The following PLXDC2 variants were observed in gnomAD, a reference collection of about 807,000 sequenced individuals.
PLXDC2 encodes plexin domain-containing protein 2.
In PLXDC2, 40 loss-of-function variants were observed where a neutral mutation model predicts 68.9. The ratio of observed to expected loss-of-function variants is 0.58; its 90% CI spans 0.45 to 0.76. The LOEUF (loss-of-function observed/expected upper bound fraction) is 0.76, where lower values mean the gene tolerates loss of function less well. Ranked by LOEUF, PLXDC2 falls within the 30% of genes least tolerant of loss-of-function variation. The probability of loss-of-function intolerance (pLI) is 0.00; values close to 1 mark genes in which losing one functional copy is unlikely to be tolerated. For missense variants in PLXDC2, 644 were observed against 661.9 expected (o/e 0.97, Z 0.30); for synonymous variants, 243 against 234.2 (o/e 1.04, Z -0.34).
At chr10:19,904,247 T>C (rs965605430) in intron 1 of PLXDC2, among the ~76,000 whole-genome samples, 3 of 152,208 alleles carry the variant, frequency 2.0e-5, no homozygotes, top group Non-Finnish European at 2.9e-5. Flanking sequence ...GTTGACTTTC[T>C]GTCTTGATGA....
chr10:19,927,136 TA>T (rs1833549275), intron 1 of PLXDC2, among the ~76,000 whole-genome samples: 1 of 152,158 alleles, frequency 6.6e-6, no homozygotes, highest in South Asian at 2.1e-4. Context: ...TTGGAGTGGC[TA>T]AAACATTCAA....
intron 2 of PLXDC2, 120 bp downstream of exon 2, chr10:20,002,106 A>T: frequency 1.0e-6 from 1 of 990,754 alleles, no homozygotes; most frequent in Non-Finnish European, 1.5e-6. Context: ...GATTTCTTTT[A>T]AAGAACAATT....
At chr10:19,850,719 T>C (rs563647125) in intron 1 of PLXDC2, among the ~76,000 whole-genome samples, 2 of 152,168 alleles carry the variant, frequency 1.3e-5, no homozygotes. Context: ...CACTGCACTT[T>C]AGGAAAGACA....
intron 1 of PLXDC2, among the ~76,000 whole-genome samples, chr10:19,945,924 C>T (rs1833894414): frequency 6.6e-6 from 1 of 152,200 alleles, no homozygotes; most frequent in Non-Finnish European, 1.5e-5. Flanking sequence ...TATTTTCACA[C>T]CCGCTTCCAA....
intron 6 of PLXDC2, among the ~76,000 whole-genome samples, chr10:20,149,535 G>A (rs550285727): frequency 2.6e-5 from 4 of 151,994 alleles, no homozygotes; most frequent in South Asian, 2.1e-4. Flanking sequence ...CACTGCGCCC[G>A]GCCGATAGTT....
intron 1 of PLXDC2, among the ~76,000 whole-genome samples, chr10:19,936,664 C>T (rs908951195): frequency 3.9e-5 from 6 of 152,134 alleles, no homozygotes; most frequent in Admixed American, 2.0e-4. Flanking sequence ...CTATTCATGC[C>T]GTGATGTATT....
chr10:20,194,576 C>A (rs12259975), intron 9 of PLXDC2, among the ~76,000 whole-genome samples: 29 of 151,838 alleles, frequency 1.9e-4, no homozygotes, highest in African/African-American at 7.0e-4. Context: ...AATATGATAT[C>A]TTTTGAAAGA....
At chr10:20,047,108 A>G (rs1835811278) in intron 3 of PLXDC2, 93 bp downstream of exon 3, 1 of 1,288,540 alleles carries the variant, frequency 7.8e-7, no homozygotes, top group African/African-American at 1.5e-5. Context: ...GAGTTTGATA[A>G]TTAAATATTA....
At chr10:19,891,374 C>T (rs1275010198) in intron 1 of PLXDC2, among the ~76,000 whole-genome samples, 1 of 150,906 alleles carries the variant, frequency 6.6e-6, no homozygotes, top group African/African-American at 2.4e-5. Context: ...CCTTCTTTCG[C>T]CTGCACTTTC....
At chr10:20,236,699 T>A (rs1304910185) in intron 12 of PLXDC2, among the ~76,000 whole-genome samples, 1 of 152,084 alleles carries the variant, frequency 6.6e-6, no homozygotes, top group East Asian at 1.9e-4. Context: ...ATAAACCTTC[T>A]CTTTTTTCAA....
At chr10:19,975,060 C>T (rs1419407660) in intron 1 of PLXDC2, among the ~76,000 whole-genome samples, 2 of 152,192 alleles carry the variant, frequency 1.3e-5, no homozygotes, top group Non-Finnish European at 2.9e-5. Flanking sequence ...ACTGTTTTCA[C>T]TTCTTTTTAG....
intron 1 of PLXDC2, among the ~76,000 whole-genome samples, chr10:19,846,123 C>G (rs975349157): frequency 2.0e-5 from 3 of 152,158 alleles, no homozygotes; most frequent in African/African-American, 4.8e-5. Flanking sequence ...TTGAGTCCAA[C>G]CTTTCACTTC....
At chr10:20,075,533 T>C (rs958585391) in intron 4 of PLXDC2, among the ~76,000 whole-genome samples, 6 of 152,156 alleles carry the variant, frequency 3.9e-5, no homozygotes, top group Non-Finnish European at 7.3e-5. Context: ...CAACCACTTG[T>C]TTCTCCTGCA....
chr10:19,830,678 A>G (rs991406558), intron 1 of PLXDC2, among the ~76,000 whole-genome samples: 2 of 125,564 alleles, frequency 1.6e-5, no homozygotes, highest in Non-Finnish European at 3.4e-5. Context: ...TGCAGAGTGT[A>G]TCTTCACCCC....
chr10:20,215,113 C>G (rs1318692916), intron 10 of PLXDC2, among the ~76,000 whole-genome samples: 2 of 152,068 alleles, frequency 1.3e-5, no homozygotes, highest in Non-Finnish European at 2.9e-5. Context: ...CACCCCAACA[C>G]TTAAGGAATT....
intron 4 of PLXDC2, among the ~76,000 whole-genome samples, chr10:20,076,323 A>G (rs929941806): frequency 1.3e-5 from 2 of 152,248 alleles, no homozygotes; most frequent in African/African-American, 2.4e-5. Context: ...TAAGATAAAT[A>G]GACTTTTGAA....
intron 1 of PLXDC2, among the ~76,000 whole-genome samples, chr10:19,979,709 G>A (rs1169680472): frequency 6.6e-6 from 1 of 152,080 alleles, no homozygotes; most frequent in Non-Finnish European, 1.5e-5. Context: ...AGTTGTTTGG[G>A]GTTTTGTTTT....
At chr10:19,902,074 C>G (rs1263512541) in intron 1 of PLXDC2, among the ~76,000 whole-genome samples, 1 of 152,094 alleles carries the variant, frequency 6.6e-6, no homozygotes, top group Non-Finnish European at 1.5e-5. Context: ...GAGACTATGG[C>G]CTTATATTAT....
intron 4 of PLXDC2, among the ~76,000 whole-genome samples, chr10:20,073,769 T>A (rs758020395): frequency 6.6e-6 from 1 of 152,202 alleles, no homozygotes; most frequent in Non-Finnish European, 1.5e-5. Flanking sequence ...GATGTGTTTT[T>A]TGCATATCAC....
Sources: gnomAD v4.1 joint callset for allele counts (sites outside exome capture counted in the v4.1 genomes callset) on GRCh38, gnomAD v4.1.1 for gene constraint, MANE v1.5 for transcripts, NCBI Gene and HGNC (gene_info 2026-07-23, HGNC 2026-07-21) for gene names.